The following SPIN1 variants were observed in gnomAD, a reference collection of about 807,000 sequenced individuals.
The protein encoded by SPIN1 is spindlin 1.
SPIN1 carries 3 observed loss-of-function variants against 26.0 expected under a neutral mutation model. The ratio of observed to expected loss-of-function variants is 0.12; its 90% CI spans 0.05 to 0.30. The LOEUF (loss-of-function observed/expected upper bound fraction) is 0.30, where lower values mean the gene tolerates loss of function less well. Ranked by LOEUF, SPIN1 falls within the 10% of genes least tolerant of loss-of-function variation. The pLI is 1.00. For missense variants in SPIN1, 126 were observed against 333.4 expected (o/e 0.38, Z 4.84); for synonymous variants, 101 against 116.5 (o/e 0.87, Z 0.86).
intron 1 of SPIN1, among the ~76,000 whole-genome samples, chr9:88,407,602 A>G (rs543875520): frequency 3.2e-4 from 48 of 152,006 alleles, no homozygotes; most frequent in Non-Finnish European, 5.0e-4. Context: ...CTTGAGCTCA[A>G]GAGTTCGAGA....
At chr9:88,457,891 A>G (rs1828501551) in intron 3 of SPIN1, 2 of 984,976 alleles carry the variant, frequency 2.0e-6, no homozygotes, top group African/African-American at 1.7e-5. Context: ...AAAAGTTACT[A>G]AGATAGTAGC....
In SPIN1 at chr9:88,406,454, G is replaced by A. The variant is rs549378765; in HGVS notation, c.-159+17916G>A. On this transcript the variant is annotated intron_variant, in intron 1 of 5. Coordinates refer to ENST00000375859, the MANE Select transcript of SPIN1 (RefSeq NM_006717.3). ...TACAGGCGCCTGCCAACCACCCTCA[G>A]CTAATTTTTTTGTATTTTTAGTAGA... Among the ~76,000 whole-genome samples the A allele has an allele frequency of 7.2e-5, 11 of 151,990 alleles. No individual in the cohort carries two copies. The South Asian group carries it at 2.3e-3, about 32-fold the overall frequency.
chr9:88,458,944 A>G (rs1828525934), intron 3 of SPIN1, among the ~76,000 whole-genome samples: 1 of 152,222 alleles, frequency 6.6e-6, no homozygotes, highest in Non-Finnish European at 1.5e-5. Context: ...CATTCCAGCT[A>G]AAAAATGCTT....
At chr9:88,433,600 A>G (rs1827930559) in intron 2 of SPIN1, among the ~76,000 whole-genome samples, 1 of 152,092 alleles carries the variant, frequency 6.6e-6, no homozygotes, top group Non-Finnish European at 1.5e-5. Flanking sequence ...AGTCTGTGAA[A>G]TGTTTTCTTT....
intron 1 of SPIN1, among the ~76,000 whole-genome samples, chr9:88,396,238 C>CA (rs879468835): frequency 0.012 from 1,674 of 139,640 alleles, 26 homozygotes; most frequent in African/African-American, 0.038. Flanking sequence ...GACTCCATCT[C>CA]AAAAAAAAAA....
At chr9:88,430,767 A>C (rs929869281) in intron 2 of SPIN1, among the ~76,000 whole-genome samples, 5 of 152,232 alleles carry the variant, frequency 3.3e-5, no homozygotes, top group Non-Finnish European at 5.9e-5. Context: ...ACATTGGGTA[A>C]CAAGTACTAT....
chr9:88,450,378 A>C (rs1318206301), intron 3 of SPIN1, among the ~76,000 whole-genome samples: 1 of 152,242 alleles, frequency 6.6e-6, no homozygotes, highest in Non-Finnish European at 1.5e-5. Flanking sequence ...GGCTTATAGA[A>C]TATTAATGTG....
Position 88,477,973 on chromosome 9 carries a change from G to T in SPIN1, c.*2696G>T, listed in dbSNP as rs1456814414. 6.6e-6 allele frequency: 1 copy of T among 152,094 alleles called. No homozygotes were observed. The highest frequency in any genetic ancestry group is 1.5e-5 in the Non-Finnish European group (1 of 68,020). 9.4% of individuals were successfully genotyped at this position (152,094 alleles called of 1,614,324 possible). A position where few individuals can be genotyped will look rare whatever the true frequency, so the allele number is the denominator to read the frequency against. On this transcript the variant is annotated 3_prime_UTR_variant, in exon 6 of 6. Transcript: ENST00000375859. The stretch of plus-strand genomic sequence containing the variant: ...TAACTGACTAAAATTGCATGTTAAA[G>T]ATATTTAGGTTTTTTTGTTTTCTTT...
intron 1 of SPIN1, among the ~76,000 whole-genome samples, chr9:88,402,510 C>CTTTT (rs201771271): frequency 7.2e-6 from 1 of 139,660 alleles, no homozygotes. Context: ...ATGAGGTCAA[C>CTTTT]TTTTTTTTTT....
rs978058547 is a variant in SPIN1, at chr9:88,478,513, C to T, written c.*3236C>T. The T allele has an allele frequency of 6.6e-6, 1 of 152,612 alleles. No individual in the cohort carries two copies. The highest frequency in any genetic ancestry group is 1.5e-5 in the Non-Finnish European group (1 of 68,042). The allele number at this position is 152,612 out of a possible 1,614,324, so 9.5% of individuals were successfully genotyped here. A position where few individuals can be genotyped will look rare whatever the true frequency, so the allele number is the denominator to read the frequency against. ...TTTAAAATTAGGTAAATGACCTCAT[C>T]TTTCAAGCTTGAATTCATTTTTAAT... On this transcript the variant is annotated 3_prime_UTR_variant, in exon 6 of 6. Transcript: ENST00000375859.
rs140009386 is a variant in SPIN1, at chr9:88,449,371, G to T, written c.101+382G>T. On this transcript the variant is annotated intron_variant, in intron 3 of 5. Coordinates refer to ENST00000375859, the MANE Select transcript of SPIN1 (RefSeq NM_006717.3). ...CTGTTTGACAAGGAGCTCCTTTTGG[G>T]CAGAGACCGTGTCTTAAGCTGGGAG... 2.7e-3 allele frequency among the ~76,000 whole-genome samples: 416 copies of T among 152,176 alleles called. 1 individual carries two copies. The highest frequency in any genetic ancestry group is 9.5e-3 in the African/African-American group (393 of 41,552).
At chr9:88,435,723 A>T (rs1827986867) in intron 2 of SPIN1, among the ~76,000 whole-genome samples, 1 of 151,986 alleles carries the variant, frequency 6.6e-6, no homozygotes, top group South Asian at 2.1e-4. Flanking sequence ...GATAGGGGTC[A>T]TTTACCTTCT....
At chr9:88,444,014 A>G (rs1828192452) in intron 2 of SPIN1, among the ~76,000 whole-genome samples, 1 of 151,796 alleles carries the variant, frequency 6.6e-6, no homozygotes, top group Admixed American at 6.6e-5. Flanking sequence ...TGATCTAGTA[A>G]GTTGTGATTC....
intron 1 of SPIN1, among the ~76,000 whole-genome samples, chr9:88,407,285 TGTGCGCC>T (rs1827330964): frequency 6.6e-6 from 1 of 151,910 alleles, no homozygotes; most frequent in Admixed American, 6.6e-5. Flanking sequence ...TACATACAGG[TGTGCGCC>T]ACCATGCTTG....
At chr9:88,429,820 C>T (rs1827831028) in intron 2 of SPIN1, among the ~76,000 whole-genome samples, 1 of 152,132 alleles carries the variant, frequency 6.6e-6, no homozygotes, top group African/African-American at 2.4e-5. Flanking sequence ...TGCCTTGGTC[C>T]TACTAGAGAC....
intron 2 of SPIN1, among the ~76,000 whole-genome samples, chr9:88,430,369 G>T (rs1564030407): frequency 6.6e-6 from 1 of 152,192 alleles, no homozygotes; most frequent in Non-Finnish European, 1.5e-5. Context: ...TGTCACAGCT[G>T]TGTGGCCTTT....
intron 4 of SPIN1, among the ~76,000 whole-genome samples, chr9:88,467,715 T>C (rs551729080): frequency 6.6e-6 from 1 of 152,184 alleles, no homozygotes; most frequent in Admixed American, 6.5e-5. Context: ...GATCACACAA[T>C]GTGGTATCAG....
chr9:88,415,157 G>T (rs1827535619), intron 1 of SPIN1, among the ~76,000 whole-genome samples: 2 of 152,108 alleles, frequency 1.3e-5, no homozygotes, highest in Non-Finnish European at 2.9e-5. Context: ...GCCCGCCTCA[G>T]CCTCCCAAAG....
chr9:88,391,897 A>G (rs1004499481), intron 1 of SPIN1: 4 of 152,210 alleles, frequency 2.6e-5, no homozygotes, highest in Non-Finnish European at 5.9e-5. Context: ...AAGTGATGCC[A>G]GCTCTCAAAT....
Sources: gnomAD v4.1 joint callset for allele counts (sites outside exome capture counted in the v4.1 genomes callset) on GRCh38, gnomAD v4.1.1 for gene constraint, MANE v1.5 for transcripts, NCBI Gene and HGNC (gene_info 2026-07-23, HGNC 2026-07-21) for gene names.